The following SYNE1 variants were observed in gnomAD, a reference collection of about 807,000 sequenced individuals.
SYNE1 encodes the protein nesprin-1.
A neutral mutation model predicts 1,111.0 loss-of-function variants in SYNE1; 616 were observed. The ratio of observed to expected loss-of-function variants is 0.55; its 90% CI spans 0.52 to 0.59. The LOEUF (loss-of-function observed/expected upper bound fraction) is 0.59, where lower values mean the gene tolerates loss of function less well. Ranked by LOEUF, SYNE1 falls within the 20% of genes least tolerant of loss-of-function variation. The pLI is 0.00. For synonymous variants in SYNE1, 3,855 were observed against 3,825.8 expected, an observed-to-expected ratio of 1.01 and a Z score of -0.28; for missense variants, 10,006 against 10,417.0, an observed-to-expected ratio of 0.96 and a Z score of 1.72.
intron 3 of SYNE1, 32 bp downstream of exon 3, chr6:152,628,233 T>G (rs746708480): frequency 1.2e-6 from 2 of 1,612,238 alleles, no homozygotes; most frequent in Non-Finnish European, 1.7e-6. Context: ...GGTATTTGAA[T>G]TTTTTTAAAA....
chr6:152,284,102 A>T lies in SYNE1; in HGVS notation c.18083T>A (p.Leu6028Gln), dbSNP rs1314129805. Residue 6028 changes from leucine to glutamine, a missense_variant, in exon 96 of 146, where the codon CTG becomes CAG. Physicochemically the swap from Leu to Gln is moderately radical, Grantham distance 113 (BLOSUM62 -2). Coordinates refer to ENST00000367255, the MANE Select transcript of SYNE1 (RefSeq NM_182961.4). The part of the protein sequence containing the change: ...NELQSSLAEE[L>Q]VSESCEADPA... ...GTCGGCCTCACAAGACTCGGATACC[A>T]GCTCCTCTGCGAGAGAGGACTGGAG... 6.2e-7 allele frequency: 1 copy of T among 1,614,150 alleles called. No individual in the cohort carries two copies.
chr6:152,324,874 T>G (rs2096013893), intron 81 of SYNE1, among the ~76,000 whole-genome samples: 1 of 152,228 alleles, frequency 6.6e-6, no homozygotes. Context: ...GTTTTTCTCA[T>G]TGAAATAATT....
At position 152,225,813 on chromosome 6, in the gene SYNE1, C is replaced by A. The variant is rs1321824454; in HGVS notation, c.21259G>T (p.Ala7087Ser). 19 of 1,614,044 alleles carry A rather than the reference C, an allele frequency of 1.2e-5. No individual in the cohort carries two copies. Among genetic ancestry groups the A allele is most frequent in the Non-Finnish European group, 1.6e-5 (19 of 1,180,004 alleles). The change falls in exon 116 of 146, where the codon GCT (alanine) becomes TCT (serine). Residue 7087 changes from alanine to serine, a missense_variant. Ala to Ser is a moderately conservative substitution (Grantham distance 99). Transcript: ENST00000367255. ...TCTTCTTTCTTGTTCTGAATCAAAGCAAGTCCATTCTGCTCAATTTTCTCT... is the reference window on the plus strand; with the variant it reads ...TCTTCTTTCTTGTTCTGAATCAAAGAAAGTCCATTCTGCTCAATTTTCTCT... ...EVEKIEQNGL[A>S]LIQNKKEDVS...
intron 87 of SYNE1, chr6:152,316,285 T>TC (rs1405587560): frequency 6.2e-6 from 1 of 161,452 alleles, no homozygotes; most frequent in East Asian, 1.8e-4. Context: ...GCGGGAGATC[T>TC]CCCACTGAGC....
intron 14 of SYNE1, among the ~76,000 whole-genome samples, chr6:152,479,423 A>G (rs2098865662): frequency 6.6e-6 from 1 of 152,200 alleles, no homozygotes; most frequent in Non-Finnish European, 1.5e-5. Context: ...TTGCCAAATC[A>G]ATACTAAGAA....
intron 77 of SYNE1, among the ~76,000 whole-genome samples, chr6:152,332,656 A>G (rs538083203): frequency 6.6e-6 from 1 of 152,336 alleles, no homozygotes; most frequent in African/African-American, 2.4e-5. Context: ...AACAAACAAT[A>G]TAGTTCTAGG....
intron 145 of SYNE1, chr6:152,125,519 A>G (rs1032056343): frequency 8.1e-5 from 78 of 965,706 alleles, no homozygotes; most frequent in Non-Finnish European, 1.1e-4. Context: ...AAGTGTCTTA[A>G]GAAGGATAGG....
rs778431528 is a variant in SYNE1, at chr6:152,331,101, T to C, written c.13584A>G (p.Glu4528=). 3 of 1,614,162 alleles carry C rather than the reference T, an allele frequency of 1.9e-6. No individual in the cohort carries two copies. The highest frequency in any genetic ancestry group is 2.5e-6 in the Non-Finnish European group (3 of 1,180,022). ...GAAGCTTCCCCAGCACTTCACTCTT[T>C]TCCTGCTCTGTGACTTCCTTCATTA... is the stretch of plus-strand genomic sequence containing the variant. ...RELMKEVTEQ[E]KSEVLGKLQE... The change falls in exon 78 of 146, where the codon GAA becomes GAG. Residue 4528 remains glutamate (E), a synonymous_variant. Coordinates refer to ENST00000367255, the MANE Select transcript of SYNE1 (RefSeq NM_182961.4).
intron 3 of SYNE1, among the ~76,000 whole-genome samples, chr6:152,549,148 C>T (rs2099328419): frequency 6.6e-6 from 1 of 152,148 alleles, no homozygotes; most frequent in Admixed American, 6.5e-5. Flanking sequence ...CAAACTGAGG[C>T]CTAAGACTTC....
At chr6:152,183,348 G>T (rs931444730) in intron 128 of SYNE1, among the ~76,000 whole-genome samples, 9 of 152,192 alleles carry the variant, frequency 5.9e-5, no homozygotes, top group Non-Finnish European at 2.9e-5. Flanking sequence ...TGGGCCTGGT[G>T]GCACATGCCT....
At chr6:152,181,734 C>A (rs1310890332) in intron 128 of SYNE1, among the ~76,000 whole-genome samples, 2 of 152,016 alleles carry the variant, frequency 1.3e-5, no homozygotes, top group Admixed American at 6.6e-5. Context: ...CATTTTTTTG[C>A]CTATTCTGAA....
intron 39 of SYNE1, among the ~76,000 whole-genome samples, chr6:152,422,408 G>C (rs953399171): frequency 6.6e-6 from 1 of 152,180 alleles, no homozygotes; most frequent in South Asian, 2.1e-4. Context: ...ACTGACTAAA[G>C]AAGACATGCA....
At chr6:152,485,079 T>C in intron 12 of SYNE1, 107 bp from the exon 13 acceptor site, 1 of 1,234,270 alleles carries the variant, frequency 8.1e-7, no homozygotes, top group Non-Finnish European at 1.1e-6. Flanking sequence ...TAACACTCAA[T>C]ATATGTTGTT....
rs9397509 is a variant in SYNE1 at position 152,463,486 on chromosome 6, T to C, written c.1964A>G (p.Gln655Arg). ...DFFRNLPHWI[Q>R]QHTAMNDAGN... Reference sequence around the variant, plus strand: ...AGCATCGTTCATGGCAGTATGCTGCTGAATCCAATGAGGTAAATTTCGAAA... The same window carrying C: ...AGCATCGTTCATGGCAGTATGCTGCCGAATCCAATGAGGTAAATTTCGAAA... The change falls in exon 19 of 146, where the codon CAG becomes CGG. Residue 655 changes from glutamine (Q) to arginine (R), a missense_variant. Transcript: ENST00000367255. 7.1e-3 allele frequency: 11,515 copies of C among 1,613,582 alleles called. 63 individuals carry two copies. Among genetic ancestry groups the C allele is most frequent in the Non-Finnish European group, 7.9e-3 (9,341 of 1,179,674 alleles).
At chr6:152,538,715 A>C (rs1044263479) in intron 4 of SYNE1, among the ~76,000 whole-genome samples, 2 of 152,104 alleles carry the variant, frequency 1.3e-5, no homozygotes, top group African/African-American at 4.8e-5. Flanking sequence ...AGCTTTAAAA[A>C]ATAAGCCCCA....
chr6:152,522,402 T>C (rs184152731), intron 5 of SYNE1, among the ~76,000 whole-genome samples: 2 of 152,284 alleles, frequency 1.3e-5, no homozygotes, highest in East Asian at 3.9e-4. Context: ...TCTTTTTTTA[T>C]GACTGAGTAG....
chr6:152,350,622 C>T lies in SYNE1; in HGVS notation c.11729G>A (p.Gly3910Glu), dbSNP rs373095359. 14 of 1,614,008 alleles carry T rather than the reference C, an allele frequency of 8.7e-6. No individual in the cohort carries two copies. The highest frequency in any genetic ancestry group is 7.7e-5 in the South Asian group (7 of 91,068). The change falls in exon 71 of 146, where the codon GGA becomes GAA. Residue 3910 changes from glycine to glutamate, a missense_variant. Transcript: ENST00000367255. ...QSDYQDLCSI[G>E]KEHVFSLEAK... ...GAGTCTTTCATCTCTCCTTACCTTT[C>T]CTATGCTGCACAGGTCCTGGTAATC...
intron 42 of SYNE1, among the ~76,000 whole-genome samples, chr6:152,412,342 T>G (rs2154174972): frequency 6.7e-6 from 1 of 149,966 alleles, no homozygotes; most frequent in East Asian, 2.0e-4. Flanking sequence ...GAGAATGGCG[T>G]GAACCTGGGA....
chr6:152,152,702 A>G (rs2747641), intron 133 of SYNE1, among the ~76,000 whole-genome samples: 48,185 of 152,160 alleles, frequency 0.32, 7,960 homozygotes, highest in Admixed American at 0.44. Context: ...CAAAAAATCA[A>G]GCTATTATAA....
Sources: gnomAD v4.1 joint callset for allele counts (sites outside exome capture counted in the v4.1 genomes callset) on GRCh38, gnomAD v4.1.1 for gene constraint, MANE v1.5 for transcripts, NCBI Gene and HGNC (gene_info 2026-07-23, HGNC 2026-07-21) for gene names.